SPMIP5: variants seen among roughly 807,000 people sequenced by gnomAD.
SPMIP5 encodes the protein sperm microtubule inner protein 5, also known as sperm-associated microtubule inner protein 5.
At chr10:116,663,408 C>T in the SPMIP5 span, among the ~76,000 whole-genome samples, 1 of 152,118 alleles carries the variant, frequency 6.6e-6, no homozygotes, top group South Asian at 2.1e-4. Flanking sequence ...TTGTCTTAAG[C>T]CACCCAGTTT....
the SPMIP5 span, chr10:116,664,790 G>C: frequency 1.2e-6 from 2 of 1,613,930 alleles, no homozygotes; most frequent in African/African-American, 2.7e-5. Context: ...GTGCCTTCTT[G>C]GCCCTCTCCG....
At chr10:116,665,124 C>T in the SPMIP5 span, 1 of 1,383,128 alleles carries the variant, frequency 7.2e-7, no homozygotes, top group African/African-American at 1.5e-5. Flanking sequence ...TGGCCAGCCT[C>T]TGTGGCTCAT....
At chr10:116,664,113 T>A in the SPMIP5 span, 2 of 1,613,888 alleles carry the variant, frequency 1.2e-6, no homozygotes, top group Non-Finnish European at 1.7e-6. Context: ...GAAAGGCCAC[T>A]GCAAACATTT....
At chr10:116,663,699 G>C in the SPMIP5 span, 1 of 552,872 alleles carries the variant, frequency 1.8e-6, no homozygotes, top group East Asian at 3.2e-5. Context: ...TTTAGCATGC[G>C]GAGAAGCAGC....
At chr10:116,668,341 AG>A in the SPMIP5 span, 1 of 1,582,814 alleles carries the variant, frequency 6.3e-7, no homozygotes, top group Non-Finnish European at 8.7e-7. Context: ...TGGAGGGAAG[AG>A]GGAATGAAAC....
the SPMIP5 span, among the ~76,000 whole-genome samples, chr10:116,663,256 A>G: frequency 6.6e-6 from 1 of 152,086 alleles, no homozygotes; most frequent in Non-Finnish European, 1.5e-5. Context: ...GTTAGTAGCA[A>G]GAAATGCCAA....
At chr10:116,667,885 A>G in the SPMIP5 span, among the ~76,000 whole-genome samples, 1 of 152,160 alleles carries the variant, frequency 6.6e-6, no homozygotes, top group East Asian at 1.9e-4. Context: ...CACAAGAATA[A>G]CCTTTGTGGA....
the SPMIP5 span, chr10:116,664,815 T>C: frequency 1.9e-6 from 3 of 1,614,006 alleles, no homozygotes; most frequent in African/African-American, 2.7e-5. Flanking sequence ...CTCCAGGAAG[T>C]CCTTGTAGCA....
At chr10:116,663,969 A>C in the SPMIP5 span, 29 of 1,539,612 alleles carry the variant, frequency 1.9e-5, no homozygotes, top group Non-Finnish European at 2.4e-5. Context: ...TGCATGGTAT[A>C]CTTGGCCTCT....
the SPMIP5 span, chr10:116,668,306 G>T: frequency 6.2e-7 from 1 of 1,613,306 alleles, no homozygotes; most frequent in Non-Finnish European, 8.5e-7. Flanking sequence ...GTCTTGGAAG[G>T]CTCCATGATT....
chr10:116,667,309 C>T, the SPMIP5 span, among the ~76,000 whole-genome samples: 4 of 152,182 alleles, frequency 2.6e-5, no homozygotes, highest in South Asian at 2.1e-4. Context: ...GCGGGCACCT[C>T]GATTTCAGAC....
chr10:116,668,421 ATGACT>A, the SPMIP5 span: 1 of 1,029,718 alleles, frequency 9.7e-7, no homozygotes, highest in Non-Finnish European at 1.5e-6. Context: ...GAGTGGAAGA[ATGACT>A]GCCAGGAGTT....
At chr10:116,668,968 C>CACACACACACACACACAA in the SPMIP5 span, among the ~76,000 whole-genome samples, 1 of 147,944 alleles carries the variant, frequency 6.8e-6, no homozygotes, top group Admixed American at 6.7e-5. Context: ...CACACACACA[C>CACACACACACACACACAA]ACAAACAAGG....
the SPMIP5 span, among the ~76,000 whole-genome samples, chr10:116,666,211 C>T: frequency 1.3e-5 from 2 of 152,190 alleles, no homozygotes; most frequent in Non-Finnish European, 2.9e-5. Context: ...TTTTCCTCGA[C>T]ACTTCCCAAA....
At chr10:116,665,655 A>C in the SPMIP5 span, 1 of 1,614,132 alleles carries the variant, frequency 6.2e-7, no homozygotes, top group Non-Finnish European at 8.5e-7. Flanking sequence ...CAGGGCCTGC[A>C]GGACCGTCTC....
the SPMIP5 span, among the ~76,000 whole-genome samples, chr10:116,668,695 CCT>C: frequency 6.6e-6 from 1 of 151,950 alleles, no homozygotes; most frequent in Admixed American, 6.6e-5. Flanking sequence ...CCCAGAAGCC[CCT>C]GTGTTAGGTT....
the SPMIP5 span, chr10:116,668,258 C>T: frequency 1.7e-5 from 27 of 1,613,580 alleles, no homozygotes; most frequent in East Asian, 6.7e-5. Flanking sequence ...CCACACTTAC[C>T]GCTATAGCCT....
the SPMIP5 span, among the ~76,000 whole-genome samples, chr10:116,668,014 G>A: frequency 2.0e-5 from 3 of 152,156 alleles, no homozygotes; most frequent in Non-Finnish European, 4.4e-5. Context: ...TCATTCAACA[G>A]GCATTAAGTG....
At chr10:116,668,244 A>G in the SPMIP5 span, 1 of 1,611,610 alleles carries the variant, frequency 6.2e-7, no homozygotes, top group South Asian at 1.1e-5. Context: ...GCTGCAGGGT[A>G]CGTCCACACT....
Sources: allele counts gnomAD v4.1 joint callset (sites outside exome capture counted in the v4.1 genomes callset), GRCh38; gene constraint gnomAD v4.1.1; transcripts MANE v1.5; gene names NCBI Gene and HGNC (gene_info 2026-07-23, HGNC 2026-07-21).